XPO5: variants seen among roughly 807,000 people sequenced by gnomAD.
XPO5 encodes exportin 5.
A neutral mutation model predicts 160.6 loss-of-function variants in XPO5; 46 were observed. The observed-to-expected ratio is 0.29, with a 90% CI of 0.23 to 0.37. The LOEUF is 0.37. Among genes scored for constraint, XPO5 ranks in the 10% least tolerant of loss-of-function variants. The probability of loss-of-function intolerance (pLI) is 1.00; values close to 1 mark genes in which losing one functional copy is unlikely to be tolerated. For synonymous variants in XPO5, 537 were observed against 519.3 expected (o/e 1.03, Z -0.46); for missense variants, 1,090 against 1,463.9 (o/e 0.74, Z 4.17).
rs1793918158 is a variant in XPO5, at chr6:43,530,806, C to T, written c.2559G>A (p.Lys853=). 1 of 1,612,092 alleles carries T rather than the reference C, an allele frequency of 6.2e-7. No individual in the cohort carries two copies. The highest frequency in any genetic ancestry group is 2.2e-5 in the East Asian group (1 of 44,856). ...AGTCTTGCTGCATGGAAGGGCCTGCCTTCCCTAGGATATGAAAACTGTAAA... is the reference window on the plus strand; with the variant it reads ...AGTCTTGCTGCATGGAAGGGCCTGCTTTCCCTAGGATATGAAAACTGTAAA... The part of the protein sequence containing the change: ...LYENCFHILG[K]AGPSMQQDFY... Residue 853 remains lysine (K), a synonymous_variant, in exon 23 of 32, where the codon AAG becomes AAA. Coordinates refer to ENST00000265351, the MANE Select transcript of XPO5 (RefSeq NM_020750.3).
intron 10 of XPO5, 113 bp from the exon 11 acceptor site, chr6:43,560,416 T>G (rs1762358033): frequency 7.6e-7 from 1 of 1,319,804 alleles, no homozygotes; most frequent in East Asian, 2.6e-5. Flanking sequence ...GTACAATACT[T>G]TGAAGCTGTC....
Position 43,523,442 on chromosome 6 carries a change from G to A in XPO5, c.*426C>T. ...CAGTGGGAGTTGGAGTGGTCCAAGA[G>A]AAACTCTGGCACAAGTAGTTGAGGG... On this transcript the variant is annotated 3_prime_UTR_variant, in exon 32 of 32. Coordinates refer to ENST00000265351, the MANE Select transcript of XPO5 (RefSeq NM_020750.3). 1 of 339,636 alleles carries A rather than the reference G, an allele frequency of 2.9e-6. No individual in the cohort carries two copies. Among genetic ancestry groups the A allele is most frequent in the East Asian group, 7.7e-5 (1 of 13,054 alleles). 21.0% of individuals were successfully genotyped at this position (339,636 alleles called of 1,614,324 possible).
intron 31 of XPO5, 89 bp from the exon 32 acceptor site, chr6:43,524,094 T>TA: frequency 6.6e-7 from 1 of 1,518,194 alleles, no homozygotes; most frequent in Non-Finnish European, 8.8e-7. Flanking sequence ...CTCGCGCCTG[T>TA]AATCCCAACA....
intron 13 of XPO5, chr6:43,553,717 GCCT>G (rs769340106): frequency 3.6e-5 from 36 of 992,758 alleles, no homozygotes; most frequent in Admixed American, 7.2e-5. Context: ...TTCCTACCAT[GCCT>G]CCTCCTCCTC....
At chr6:43,535,751 T>C (rs181519971) in intron 20 of XPO5, among the ~76,000 whole-genome samples, 238 of 149,548 alleles carry the variant, frequency 1.6e-3, no homozygotes, top group African/African-American at 5.5e-3. Flanking sequence ...GAGGCGGAGC[T>C]TGCAATGAGC....
intron 9 of XPO5, chr6:43,561,589 G>C (rs2127745533): frequency 6.5e-6 from 1 of 153,250 alleles, no homozygotes; most frequent in Middle Eastern, 3.4e-3. Context: ...ATGTTGGCCA[G>C]GCTAGTCTCA....
chr6:43,551,353 G>A lies in XPO5; in HGVS notation c.1673C>T (p.Ala558Val). The A allele has an allele frequency of 1.2e-6, 2 of 1,614,010 alleles. No individual in the cohort carries two copies. The highest frequency in any genetic ancestry group is 1.7e-6 in the Non-Finnish European group (2 of 1,179,886). Residue 558 changes from alanine (A) to valine (V), a missense_variant, in exon 15 of 32, where the codon GCA (alanine) becomes GTA (valine). By Grantham distance (64) the Ala-to-Val change is moderately conservative. Around this residue, in one of 3 missense-constraint regions of XPO5, gnomAD observed 810 missense variants for 1,139.0 expected, o/e 0.71. Transcript: ENST00000265351. ...ILSCVLTNVS[A>V]LFPFVTYRPE... ...TCTGTAGGTGACAAATGGAAAGAGT[G>A]CAGAGACATTAGTAAGGACGCAGGA...
chr6:43,536,540 C>T (rs1347901190), intron 20 of XPO5, among the ~76,000 whole-genome samples: 3 of 151,456 alleles, frequency 2.0e-5, no homozygotes, highest in South Asian at 2.1e-4. Flanking sequence ...GGGTGGATCA[C>T]GAGGTCAGGA....
intron 20 of XPO5, among the ~76,000 whole-genome samples, chr6:43,546,045 A>G (rs1794949479): frequency 1.3e-5 from 2 of 152,214 alleles, no homozygotes; most frequent in Non-Finnish European, 2.9e-5. Flanking sequence ...TACTGGTCTT[A>G]GGACTCAGCT....
Position 43,573,711 on chromosome 6 carries a change from TC to T in XPO5, c.106-111del, listed in dbSNP as rs1228492114. Reference sequence around the variant, plus strand: ...GGCCGGGTGCGGTGGCTCACACCTGTCCCAGCACTCTGGGAGGCTGAGATGG... The same window carrying T: ...GGCCGGGTGCGGTGGCTCACACCTGTCCAGCACTCTGGGAGGCTGAGATGG... On this transcript the variant is annotated intron_variant, in intron 1 of 31. Transcript: ENST00000265351. The T allele has an allele frequency of 1.7e-5, 22 of 1,322,302 alleles. No individual in the cohort carries two copies. The African/African-American group carries it at 3.1e-4, about 19-fold the overall frequency. 81.9% of individuals were successfully genotyped at this position (1,322,302 alleles called of 1,614,324 possible).
intron 18 of XPO5, 119 bp from the exon 19 acceptor site, chr6:43,547,826 G>A: frequency 1.9e-5 from 14 of 731,184 alleles, no homozygotes; most frequent in Non-Finnish European, 3.2e-5. Context: ...ATAGTGAGAG[G>A]AGTATAATCA....
At chr6:43,556,043 C>T (rs1247522920) in intron 12 of XPO5, 79 bp from the exon 13 acceptor site, 3 of 1,563,620 alleles carry the variant, frequency 1.9e-6, no homozygotes, top group Non-Finnish European at 1.7e-6. Flanking sequence ...ATTAATTTAC[C>T]ACCCTAGGGG....
chr6:43,526,636 T>G (rs1793611301), intron 27 of XPO5, 49 bp downstream of exon 27: 1 of 1,603,904 alleles, frequency 6.2e-7, no homozygotes, highest in African/African-American at 1.3e-5. Flanking sequence ...GAAGGAACAG[T>G]ATTTAGGAGG....
intron 1 of XPO5, 61 bp downstream of exon 1, chr6:43,575,699 G>A (rs905948593): frequency 3.4e-6 from 5 of 1,481,300 alleles, no homozygotes; most frequent in Non-Finnish European, 3.7e-6. Flanking sequence ...AGGCGGCGCC[G>A]GAGCTGCTGG....
intron 20 of XPO5, chr6:43,539,295 C>T (rs1388810665): frequency 1.6e-5 from 24 of 1,541,314 alleles, no homozygotes; most frequent in African/African-American, 1.1e-4. Flanking sequence ...CCCAGACCGA[C>T]GTGGCCACTG....
rs540772244 is a variant in XPO5 at position 43,562,285 on chromosome 6, C to A, written c.973G>T (p.Val325Leu). The A allele has an allele frequency of 3.7e-6, 6 of 1,609,322 alleles. No homozygotes were observed. In the South Asian group the frequency reaches 5.6e-5, roughly 15 times the overall value. Residue 325 changes from valine to leucine, a missense_variant, in exon 9 of 32, where the codon GTG (valine) becomes TTG (leucine). This residue lies in a region of XPO5 where 810 missense variants were observed against 1,139.0 expected (regional missense o/e 0.71). Transcript: ENST00000265351. ...AGCTGATTGCCCAGCGCACACAACA[C>A]CTGACAGAGCCTCTTCAGAAAGACG... The part of the protein sequence containing the change: ...HYVFLKRLCQ[V>L]LCALGNQLCA...
chr6:43,570,897 G>C lies in XPO5; in HGVS notation c.398C>G (p.Pro133Arg). ...AGTGTCCAATTCTATTAGCATGTCAGGCCAATGCTGTGGCCACTCTCGCTT... is the reference window on the plus strand; with the variant it reads ...AGTGTCCAATTCTATTAGCATGTCACGCCAATGCTGTGGCCACTCTCGCTT... ...MIKREWPQHW[P>R]DMLIELDTLS... is the part of the protein sequence containing the mutation. The change falls in exon 4 of 32, where the codon CCT becomes CGT. Residue 133 changes from proline to arginine, a missense_variant. Around this residue, in one of 3 missense-constraint regions of XPO5, gnomAD observed 170 missense variants for 227.0 expected, o/e 0.75. Transcript: ENST00000265351. The C allele has an allele frequency of 6.2e-7, 1 of 1,613,718 alleles. No individual in the cohort carries two copies.
chr6:43,536,543 G>C (rs1271835844), intron 20 of XPO5, among the ~76,000 whole-genome samples: 1 of 151,590 alleles, frequency 6.6e-6, no homozygotes, highest in Non-Finnish European at 1.5e-5. Flanking sequence ...TGGATCACGA[G>C]GTCAGGAGTT....
At position 43,522,481 on chromosome 6, in the gene XPO5, C is replaced by T. The variant is rs1486765674; in HGVS notation, c.*1387G>A. On this transcript the variant is annotated 3_prime_UTR_variant, in exon 32 of 32. Coordinates refer to ENST00000265351, the MANE Select transcript of XPO5 (RefSeq NM_020750.3). ...TACAATGCAATAAATACAACTACAT[C>T]CTCCACAGCCCCAACCAGACAGGAA... 1 of 179,626 alleles carries T rather than the reference C, an allele frequency of 5.6e-6. No individual in the cohort carries two copies. The highest frequency in any genetic ancestry group is 1.2e-5 in the Non-Finnish European group (1 of 80,732). The allele number at this position is 179,626 out of a possible 1,614,324, so 11.1% of individuals were successfully genotyped here.
Sources: gnomAD v4.1 joint callset for allele counts (sites outside exome capture counted in the v4.1 genomes callset) on GRCh38, gnomAD v4.1.1 for gene constraint, gnomAD v4.1.1 regional missense constraint, MANE v1.5 for transcripts, NCBI Gene and HGNC (gene_info 2026-07-23, HGNC 2026-07-21) for gene names.